Variants in DSCAM observed in about 807,000 individuals in gnomAD.
DSCAM encodes the protein DS cell adhesion molecule, also known as cell adhesion molecule DSCAM.
DSCAM carries 47 observed loss-of-function variants against 217.7 expected under a neutral mutation model. The observed-to-expected ratio is 0.22, with a 90% CI of 0.17 to 0.28. The LOEUF (loss-of-function observed/expected upper bound fraction) is 0.28, where lower values mean the gene tolerates loss of function less well. Among genes scored for constraint, DSCAM ranks in the 10% least tolerant of loss-of-function variants. The probability of loss-of-function intolerance (pLI) is 1.00; values close to 1 mark genes in which losing one functional copy is unlikely to be tolerated. For synonymous variants in DSCAM, 1,056 were observed against 1,015.3 expected (o/e 1.04, Z -0.76); for missense variants, 2,080 against 2,618.3 (o/e 0.79, Z 4.49).
intron 1 of DSCAM, among the ~76,000 whole-genome samples, chr21:40,732,573 T>A (rs1369031171): frequency 6.6e-6 from 1 of 152,204 alleles, no homozygotes; most frequent in Non-Finnish European, 1.5e-5. Flanking sequence ...TAATCACACA[T>A]TAGCTCTGAT....
At chr21:40,399,633 A>G (rs2075215624) in intron 3 of DSCAM, among the ~76,000 whole-genome samples, 1 of 152,256 alleles carries the variant, frequency 6.6e-6, no homozygotes, top group African/African-American at 2.4e-5. Context: ...TCTGAGGTCA[A>G]GCATCATATT....
At chr21:40,121,413 T>G (rs2146662650) in intron 20 of DSCAM, among the ~76,000 whole-genome samples, 1 of 152,276 alleles carries the variant, frequency 6.6e-6, no homozygotes, top group African/African-American at 2.4e-5. Flanking sequence ...TGCTCTTAAA[T>G]GATGGTTGAG....
intron 1 of DSCAM, among the ~76,000 whole-genome samples, chr21:40,751,650 G>T (rs879836355): frequency 5.9e-5 from 9 of 152,126 alleles, no homozygotes; most frequent in Non-Finnish European, 1.3e-4. Flanking sequence ...AAAGAACATT[G>T]AGGATTAGTT....
chr21:40,094,228 T>C (rs1308984653), intron 20 of DSCAM, among the ~76,000 whole-genome samples: 1 of 152,130 alleles, frequency 6.6e-6, no homozygotes, highest in Non-Finnish European at 1.5e-5. Flanking sequence ...TCTAAAAGCA[T>C]TGCACATCAG....
intron 3 of DSCAM, among the ~76,000 whole-genome samples, chr21:40,641,640 T>C (rs899240357): frequency 6.6e-6 from 1 of 152,242 alleles, no homozygotes; most frequent in African/African-American, 2.4e-5. Context: ...AGAGAAGTTC[T>C]AGAATATCCT....
At chr21:40,750,296 C>G (rs1046966487) in intron 1 of DSCAM, among the ~76,000 whole-genome samples, 1 of 152,192 alleles carries the variant, frequency 6.6e-6, no homozygotes, top group African/African-American at 2.4e-5. Flanking sequence ...CCCCTCCACT[C>G]CACTGAACAT....
chr21:40,228,147 C>T (rs1202554199), intron 11 of DSCAM, among the ~76,000 whole-genome samples: 3 of 152,138 alleles, frequency 2.0e-5, no homozygotes, highest in Non-Finnish European at 2.9e-5. Context: ...CTCATCACAT[C>T]ATATCAAGGG....
In DSCAM at chr21:40,142,530, A is replaced by T. The variant is rs1386028441; in HGVS notation, c.3406+28T>A. On this transcript the variant is annotated intron_variant, in intron 18 of 32. Coordinates refer to ENST00000400454, the MANE Select transcript of DSCAM (RefSeq NM_001389.5). ...TCCATCATGCATTCTCTGGAGGCAA[A>T]CCCAAAGTCCTAGTTTAGTCCTCTT... is the stretch of plus-strand genomic sequence containing the variant. 5.6e-6 allele frequency: 9 copies of T among 1,611,192 alleles called. No individual in the cohort carries two copies. In the African/African-American group the frequency reaches 6.7e-5, roughly 12 times the overall value.
chr21:40,596,776 A>G (rs2077024562), intron 3 of DSCAM, among the ~76,000 whole-genome samples: 1 of 152,180 alleles, frequency 6.6e-6, no homozygotes, highest in African/African-American at 2.4e-5. Flanking sequence ...TTTTTATGTG[A>G]TCTACGACCT....
Position 40,702,166 on chromosome 21 carries a change from C to G in DSCAM, c.361+6288G>C, listed in dbSNP as rs79431301. Among the ~76,000 whole-genome samples the G allele has an allele frequency of 9.8e-3, 1,486 of 152,260 alleles. 30 individuals carry two copies. The highest frequency in any genetic ancestry group is 0.033 in the African/African-American group (1,357 of 41,560). On this transcript the variant is annotated intron_variant, in intron 2 of 32. Transcript: ENST00000400454. ...ATATCCTCTTCACCTCCCCCCTTTA[C>G]ATTATGAAATGAACTGCTTTAGCTC...
intron 11 of DSCAM, among the ~76,000 whole-genome samples, chr21:40,213,135 C>T (rs934891567): frequency 2.0e-5 from 3 of 152,250 alleles, no homozygotes; most frequent in African/African-American, 7.2e-5. Flanking sequence ...CGGATGCCAT[C>T]TTCAAGATCA....
chr21:40,781,514 T>C (rs2091544222), intron 1 of DSCAM, among the ~76,000 whole-genome samples: 1 of 152,186 alleles, frequency 6.6e-6, no homozygotes. Context: ...CGTAGCTTGA[T>C]AATGCAGTAT....
intron 1 of DSCAM, among the ~76,000 whole-genome samples, chr21:40,736,279 G>A (rs1010921289): frequency 3.3e-5 from 5 of 152,046 alleles, no homozygotes; most frequent in Non-Finnish European, 5.9e-5. Flanking sequence ...CATCATTTAG[G>A]GGGCTTTCTG....
At chr21:40,415,267 G>A (rs2075360102) in intron 3 of DSCAM, among the ~76,000 whole-genome samples, 1 of 152,160 alleles carries the variant, frequency 6.6e-6, no homozygotes, top group African/African-American at 2.4e-5. Flanking sequence ...GAATTTAACT[G>A]GCTCAATTTC....
chr21:40,780,091 T>G (rs955480338), intron 1 of DSCAM, among the ~76,000 whole-genome samples: 3 of 152,118 alleles, frequency 2.0e-5, no homozygotes, highest in African/African-American at 7.2e-5. Context: ...CAATCGCAGA[T>G]GTAGATGTCA....
rs115684233 is a variant in DSCAM at position 40,098,987 on chromosome 21, C to T, written c.3697-5113G>A. 3.1e-3 allele frequency among the ~76,000 whole-genome samples: 475 copies of T among 152,268 alleles called. 2 individuals carry two copies. The highest frequency in any genetic ancestry group is 0.011 in the African/African-American group (443 of 41,536). Reference sequence around the variant, plus strand: ...TTCCTGATAAACCAAAGAGACAATCCTGAGACTGTATGTACTTGCATTGTG... The same window carrying T: ...TTCCTGATAAACCAAAGAGACAATCTTGAGACTGTATGTACTTGCATTGTG... On this transcript the variant is annotated intron_variant, in intron 20 of 32. Transcript: ENST00000400454.
rs1178829077 is a variant in DSCAM at position 40,124,181 on chromosome 21, A to G, written c.3696+14T>C. 1 of 1,613,724 alleles carries G rather than the reference A, an allele frequency of 6.2e-7. No individual in the cohort carries two copies. Among genetic ancestry groups the G allele is most frequent in the African/African-American group, 1.3e-5 (1 of 74,860 alleles). ...GCAGACGCTTGAAAGGCACTTGGTT[A>G]TTTACCAACTTACTGTGGGATAGGG... is the stretch of plus-strand genomic sequence containing the variant. On this transcript the variant is annotated intron_variant, in intron 20 of 32. Coordinates refer to ENST00000400454, the MANE Select transcript of DSCAM (RefSeq NM_001389.5).
chr21:40,411,675 C>T (rs186906715), intron 3 of DSCAM, among the ~76,000 whole-genome samples: 354 of 152,098 alleles, frequency 2.3e-3, no homozygotes, highest in African/African-American at 8.1e-3. Context: ...AAGTGATAAA[C>T]AGAAAGACTG....
intron 6 of DSCAM, among the ~76,000 whole-genome samples, chr21:40,347,135 C>T (rs1036150246): frequency 3.3e-5 from 5 of 151,992 alleles, no homozygotes; most frequent in Admixed American, 1.3e-4. Context: ...CCCATCTCTA[C>T]TAAAAATACA....
Sources: gnomAD v4.1 joint callset for allele counts (sites outside exome capture counted in the v4.1 genomes callset) on GRCh38, gnomAD v4.1.1 for gene constraint, MANE v1.5 for transcripts, NCBI Gene and HGNC (gene_info 2026-07-23, HGNC 2026-07-21) for gene names.